NBAS: variants seen among roughly 807,000 people sequenced by gnomAD.
The protein encoded by NBAS is NAG/BC035112 fusion.
Under a neutral mutation model 302.5 loss-of-function variants are expected in NBAS, and 219 were observed. The observed-to-expected ratio is 0.72, with a 90% CI of 0.65 to 0.81. The LOEUF (loss-of-function observed/expected upper bound fraction) is 0.81, where lower values mean the gene tolerates loss of function less well. Among genes scored for constraint, NBAS ranks in the 30% least tolerant of loss-of-function variants. NBAS has a pLI of 0.00. For missense variants in NBAS, 2,932 were observed against 2,841.6 expected (o/e 1.03, Z -0.72); for synonymous variants, 1,118 against 1,021.6 (o/e 1.09, Z -1.80).
intron 38 of NBAS, among the ~76,000 whole-genome samples, chr2:15,314,671 C>T (rs1671427818): frequency 6.6e-6 from 1 of 152,130 alleles, no homozygotes; most frequent in Non-Finnish European, 1.5e-5. Flanking sequence ...CCAGCAATAC[C>T]ATTAAAATTT....
the NBAS span, among the ~76,000 whole-genome samples, chr2:14,819,641 A>C: frequency 6.6e-6 from 1 of 152,250 alleles, no homozygotes; most frequent in Non-Finnish European, 1.5e-5. Context: ...CTAGTGTCTG[A>C]ATAAAGAGTG....
the NBAS span, among the ~76,000 whole-genome samples, chr2:14,788,195 G>A: frequency 6.6e-6 from 1 of 152,062 alleles, no homozygotes; most frequent in Admixed American, 6.5e-5. Flanking sequence ...GCACTTCTCT[G>A]TATTGGTTAT....
intron 45 of NBAS, among the ~76,000 whole-genome samples, chr2:15,236,676 T>C (rs1277920792): frequency 6.6e-6 from 1 of 151,674 alleles, no homozygotes; most frequent in Non-Finnish European, 1.5e-5. Flanking sequence ...TACTTAAAAA[T>C]TTATAAGTAT....
intron 21 of NBAS, among the ~76,000 whole-genome samples, chr2:15,451,613 A>G (rs914425781): frequency 5.3e-5 from 8 of 152,114 alleles, no homozygotes; most frequent in Non-Finnish European, 7.4e-5. Flanking sequence ...ACCTAAATCA[A>G]ATTTGTTCTA....
chr2:14,965,148 T>C, the NBAS span, among the ~76,000 whole-genome samples: 1 of 151,524 alleles, frequency 6.6e-6, no homozygotes, highest in African/African-American at 2.4e-5. Context: ...ACAAATTAAG[T>C]GCAAAGAAAG....
At chr2:15,248,505 A>C (rs1017709579) in intron 44 of NBAS, among the ~76,000 whole-genome samples, 1 of 152,212 alleles carries the variant, frequency 6.6e-6, no homozygotes, top group Non-Finnish European at 1.5e-5. Context: ...ACCCTTCAAA[A>C]AATCAATGAA....
intron 38 of NBAS, among the ~76,000 whole-genome samples, chr2:15,314,864 C>T (rs1671436114): frequency 6.6e-6 from 1 of 152,040 alleles, no homozygotes; most frequent in Admixed American, 6.6e-5. Flanking sequence ...AAACAAAAAC[C>T]TACGGATGGA....
the NBAS span, among the ~76,000 whole-genome samples, chr2:15,084,326 G>A: frequency 6.6e-6 from 1 of 152,192 alleles, no homozygotes; most frequent in South Asian, 2.1e-4. Context: ...GCCTCCCAAA[G>A]TGCTGGTATT....
At chr2:15,025,525 T>C in the NBAS span, among the ~76,000 whole-genome samples, 3 of 152,250 alleles carry the variant, frequency 2.0e-5, no homozygotes, top group African/African-American at 4.8e-5. Context: ...TCGATAGGAA[T>C]AGCATTGAAT....
chr2:15,462,048 A>G (rs749933926), intron 19 of NBAS, among the ~76,000 whole-genome samples: 3 of 152,256 alleles, frequency 2.0e-5, no homozygotes, highest in Non-Finnish European at 4.4e-5. Flanking sequence ...TAATTGCAGT[A>G]GGACAACCAA....
At chr2:15,417,281 A>C (rs1411812358) in intron 24 of NBAS, among the ~76,000 whole-genome samples, 1 of 152,220 alleles carries the variant, frequency 6.6e-6, no homozygotes, top group East Asian at 1.9e-4. Context: ...ACACCTAACT[A>C]GAACGGAAAA....
chr2:14,966,878 G>C, the NBAS span, among the ~76,000 whole-genome samples: 22 of 152,110 alleles, frequency 1.4e-4, no homozygotes, highest in Admixed American at 1.4e-3. Flanking sequence ...CATATAACCT[G>C]ATCATCTACG....
At chr2:15,526,960 A>G (rs1440434432) in intron 9 of NBAS, among the ~76,000 whole-genome samples, 1 of 152,216 alleles carries the variant, frequency 6.6e-6, no homozygotes, top group African/African-American at 2.4e-5. Flanking sequence ...CCTTCCTGAA[A>G]TAATGCCAGG....
chr2:15,465,213 G>A (rs1247655448), intron 19 of NBAS, among the ~76,000 whole-genome samples: 1 of 152,138 alleles, frequency 6.6e-6, no homozygotes, highest in Non-Finnish European at 1.5e-5. Flanking sequence ...AGACACAGCA[G>A]CAAACAAGAC....
At chr2:15,288,381 A>T (rs1670154130) in intron 41 of NBAS, among the ~76,000 whole-genome samples, 1 of 152,250 alleles carries the variant, frequency 6.6e-6, no homozygotes, top group East Asian at 1.9e-4. Flanking sequence ...TGTGAACTGC[A>T]AGTAGGAGGA....
intron 9 of NBAS, among the ~76,000 whole-genome samples, chr2:15,522,531 A>T (rs1662722336): frequency 6.6e-6 from 1 of 152,202 alleles, no homozygotes; most frequent in South Asian, 2.1e-4. Context: ...CCTAGGAGTA[A>T]CTTCTGGGAT....
the NBAS span, among the ~76,000 whole-genome samples, chr2:15,123,734 A>G: frequency 6.6e-6 from 1 of 152,226 alleles, no homozygotes; most frequent in African/African-American, 2.4e-5. Context: ...GGCCCTCACC[A>G]GAAGCAGATC....
At chr2:15,432,073 G>A (rs980426430) in intron 21 of NBAS, among the ~76,000 whole-genome samples, 1 of 151,182 alleles carries the variant, frequency 6.6e-6, no homozygotes, top group Non-Finnish European at 1.5e-5. Flanking sequence ...AAATGGGTTA[G>A]GCAAAATTGT....
chr2:15,019,047 TCAAAACATG>T, the NBAS span, among the ~76,000 whole-genome samples: 1 of 152,208 alleles, frequency 6.6e-6, no homozygotes, highest in African/African-American at 2.4e-5. Flanking sequence ...ATAGTCCAGT[TCAAAACATG>T]CAGTTTAATG....
Sources: gnomAD v4.1 joint callset for allele counts (sites outside exome capture counted in the v4.1 genomes callset) on GRCh38, gnomAD v4.1.1 for gene constraint, MANE v1.5 for transcripts, NCBI Gene and HGNC (gene_info 2026-07-23, HGNC 2026-07-21) for gene names.